CFAP74: variants seen among roughly 807,000 people sequenced by gnomAD.
The protein encoded by CFAP74 is cilia- and flagella-associated protein 74.
Under a neutral mutation model 188.9 loss-of-function variants are expected in CFAP74, and 124 were observed. The observed-to-expected ratio is 0.66, with a 90% CI of 0.57 to 0.76. The LOEUF (loss-of-function observed/expected upper bound fraction) is 0.76. Among genes scored for constraint, CFAP74 ranks in the 30% least tolerant of loss-of-function variants. CFAP74 has a pLI of 0.00. For missense variants in CFAP74, 2,198 were observed against 2,165.2 expected, an observed-to-expected ratio of 1.02 and a Z score of -0.30; for synonymous variants, 956 against 916.7, an observed-to-expected ratio of 1.04 and a Z score of -0.77.
chr1:1,946,416 G>T lies in CFAP74; in HGVS notation c.2265C>A (p.Pro755=). Residue 755 remains proline (P), a synonymous_variant, in exon 20 of 39, where the codon CCC becomes CCA. Transcript: ENST00000682832. ...LGEVTEGEIG[P]FSSIKVPIVF... ...CGATGGGCACCTTGATGGAGCTGAA[G>T]GGGCCAATTTCCCCTTCTGTTACCT... 2 of 1,536,848 alleles carry T rather than the reference G, an allele frequency of 1.3e-6. No homozygotes were observed. Among genetic ancestry groups the T allele is most frequent in the Non-Finnish European group, 1.7e-6 (2 of 1,146,668 alleles).
At position 1,942,265 on chromosome 1, in the gene CFAP74, G is replaced by C; in HGVS notation, c.2487-109C>G. On this transcript the variant is annotated intron_variant, in intron 21 of 38. Coordinates refer to ENST00000682832, the MANE Select transcript of CFAP74 (RefSeq NM_001304360.2). The surrounding 1 kb of genome is among the most constrained non-coding windows in gnomAD (Gnocchi z 4.3). ...TCTGGCACCCAAGCCCCCGAGAGGT[G>C]CTCAGAGCCCACCCACTCCAAGCCA... 1 of 1,145,576 alleles carries C rather than the reference G, an allele frequency of 8.7e-7. No homozygotes were observed. The highest frequency in any genetic ancestry group is 1.2e-6 in the Non-Finnish European group (1 of 866,272). 71.0% of individuals were successfully genotyped at this position (1,145,576 alleles called of 1,614,324 possible).
chr1:1,980,083 G>C (rs905298650), intron 6 of CFAP74, among the ~76,000 whole-genome samples: 1 of 134,330 alleles, frequency 7.4e-6, no homozygotes, highest in Admixed American at 7.3e-5. Context: ...GGGGAGGACG[G>C]GTGAACGAGA....
chr1:1,985,572 G>A, intron 5 of CFAP74, 82 bp from the exon 6 acceptor site: 1 of 1,078,088 alleles, frequency 9.3e-7, no homozygotes, highest in Non-Finnish European at 1.4e-6. Flanking sequence ...GCACTCCCTG[G>A]CCTCCTCTCG....
chr1:1,990,844 T>C, intron 2 of CFAP74, 46 bp downstream of exon 2: 1 of 1,477,278 alleles, frequency 6.8e-7, no homozygotes, highest in Non-Finnish European at 9.4e-7. Flanking sequence ...GTCATTTGTT[T>C]GTCTTTTTGC....
At chr1:1,965,446 G>A (rs928700244) in intron 12 of CFAP74, among the ~76,000 whole-genome samples, 6 of 152,184 alleles carry the variant, frequency 3.9e-5, no homozygotes, top group Non-Finnish European at 7.3e-5. Flanking sequence ...CAGTTTTCTC[G>A]AGCGGGCAGT....
chr1:1,926,191 T>C (rs921077030), intron 32 of CFAP74, 37 bp downstream of exon 32: 3 of 1,472,684 alleles, frequency 2.0e-6, no homozygotes, highest in East Asian at 5.0e-5. Flanking sequence ...TGGGGAGCCT[T>C]GGGCCGCAGT....
At chr1:1,933,076 C>T (rs1212450248) in intron 25 of CFAP74, among the ~76,000 whole-genome samples, 3 of 132,944 alleles carry the variant, frequency 2.3e-5, no homozygotes, top group Non-Finnish European at 4.8e-5. Flanking sequence ...TTAGTAGAGA[C>T]GGGGTTTCAA....
intron 6 of CFAP74, among the ~76,000 whole-genome samples, chr1:1,978,127 C>T (rs536084354): frequency 2.4e-4 from 36 of 152,136 alleles, no homozygotes; most frequent in Admixed American, 9.8e-4. Context: ...GGATTACAGG[C>T]GTGAGCCACT....
chr1:1,956,935 T>A, intron 16 of CFAP74, 151 bp from the exon 17 acceptor site: 1 of 785,526 alleles, frequency 1.3e-6, no homozygotes, highest in Non-Finnish European at 2.0e-6. Context: ...AACCCAGAAA[T>A]CAGGTGTGTA....
At chr1:1,960,124 G>A in intron 14 of CFAP74, 94 bp from the exon 15 acceptor site, 2 of 1,088,568 alleles carry the variant, frequency 1.8e-6, no homozygotes, top group Non-Finnish European at 2.7e-6. Flanking sequence ...GGGCCTCCTG[G>A]CCTCCTCCCC....
At chr1:1,941,769 G>A (rs1653392593) in intron 22 of CFAP74, among the ~76,000 whole-genome samples, 1 of 152,180 alleles carries the variant, frequency 6.6e-6, no homozygotes, top group Non-Finnish European at 1.5e-5. Context: ...TTTCAACAAC[G>A]AGGCTGGAAT....
intron 1 of CFAP74, among the ~76,000 whole-genome samples, chr1:2,001,119 C>T (rs763319789): frequency 5.7e-4 from 87 of 151,728 alleles, no homozygotes; most frequent in Non-Finnish European, 1.1e-3. Context: ...TGCCGGTGTG[C>T]GTGGCTGAGG....
At position 1,980,484 on chromosome 1, in the gene CFAP74, C is replaced by T. The variant is rs1258136942; in HGVS notation, c.500+4902G>A. 1.3e-5 allele frequency among the ~76,000 whole-genome samples: 2 copies of T among 151,908 alleles called. 1 individual carries two copies. Among genetic ancestry groups the T allele is most frequent in the Non-Finnish European group, 2.9e-5 (2 of 67,944 alleles). ...CTGTATCTAAGCCACCGGCACAGAT[C>T]GCAGTGGGCGCCTCACAGCAGCCCC... On this transcript the variant is annotated intron_variant, in intron 6 of 38. Coordinates refer to ENST00000682832, the MANE Select transcript of CFAP74 (RefSeq NM_001304360.2).
intron 10 of CFAP74, among the ~76,000 whole-genome samples, chr1:1,969,626 G>A (rs1235314178): frequency 6.6e-6 from 1 of 152,250 alleles, no homozygotes; most frequent in Non-Finnish European, 1.5e-5. Context: ...CACTGCAGCT[G>A]CACTTCCCGG....
intron 11 of CFAP74, among the ~76,000 whole-genome samples, chr1:1,967,961 G>GTGAATGAA (rs55954278): frequency 6.6e-6 from 1 of 151,606 alleles, no homozygotes; most frequent in Admixed American, 6.6e-5. Context: ...CAGTGAGTGA[G>GTGAATGAA]TGAATGAGTG....
intron 6 of CFAP74, among the ~76,000 whole-genome samples, chr1:1,979,472 A>G (rs1370630793): frequency 3.1e-3 from 250 of 80,858 alleles, no homozygotes; most frequent in Middle Eastern, 6.3e-3. Flanking sequence ...TGCACAGAAC[A>G]CGCGTGTGGT....
chr1:1,967,536 G>A (rs34940616), intron 11 of CFAP74, among the ~76,000 whole-genome samples: 32,928 of 151,672 alleles, frequency 0.22, 3,786 homozygotes, highest in East Asian at 0.26. Context: ...GGCGTGAGAC[G>A]GGCAGTGAGG....
intron 25 of CFAP74, among the ~76,000 whole-genome samples, chr1:1,937,890 G>A (rs370055519): frequency 6.9e-6 from 1 of 145,086 alleles, no homozygotes; most frequent in Non-Finnish European, 1.5e-5. Context: ...GTCCAGAGGG[G>A]TGCCCTGCAC....
chr1:1,972,214 G>T, intron 8 of CFAP74, 132 bp from the exon 9 acceptor site: 1 of 695,442 alleles, frequency 1.4e-6, no homozygotes, highest in Admixed American at 2.1e-5. Flanking sequence ...CCAAAGCGCT[G>T]GGATCACAGG....
Sources: allele counts gnomAD v4.1 joint callset (sites outside exome capture counted in the v4.1 genomes callset), GRCh38; gene constraint gnomAD v4.1.1; non-coding constraint Gnocchi (gnomAD v3.1); transcripts MANE v1.5; gene names NCBI Gene and HGNC (gene_info 2026-07-23, HGNC 2026-07-21).